The following UNC5C variants were observed in gnomAD, a reference collection of about 807,000 sequenced individuals.
UNC5C encodes the protein netrin receptor UNC5C.
UNC5C carries 47 observed loss-of-function variants against 99.8 expected under a neutral mutation model. The ratio of observed to expected loss-of-function variants is 0.47; its 90% confidence interval spans 0.37 to 0.60. The LOEUF is 0.60. UNC5C is among the 20% of genes least tolerant of loss of function. The pLI, the probability that UNC5C is intolerant of heterozygous loss-of-function variation, is 0.00. For synonymous variants in UNC5C, 487 were observed against 452.2 expected, an observed-to-expected ratio of 1.08 and a Z score of -0.98; for missense variants, 1,062 against 1,165.9, an observed-to-expected ratio of 0.91 and a Z score of 1.30.
intron 1 of UNC5C, among the ~76,000 whole-genome samples, chr4:95,410,322 C>T (rs903302986): frequency 3.9e-5 from 6 of 152,088 alleles, no homozygotes; most frequent in Non-Finnish European, 5.9e-5. Context: ...CCTACTAGGT[C>T]CCAGTCTCAT....
At chr4:95,538,723 G>A (rs1014064691) in intron 1 of UNC5C, among the ~76,000 whole-genome samples, 1 of 152,070 alleles carries the variant, frequency 6.6e-6, no homozygotes, top group African/African-American at 2.4e-5. Context: ...GGGAATGTAT[G>A]ACAATAATAA....
chr4:95,348,713 T>C (rs1743871726), intron 1 of UNC5C, among the ~76,000 whole-genome samples: 1 of 151,226 alleles, frequency 6.6e-6, no homozygotes, highest in African/African-American at 2.4e-5. Flanking sequence ...TCAACACCAT[T>C]GATCATTACA....
At chr4:95,341,563 G>A (rs1256176410) in intron 1 of UNC5C, among the ~76,000 whole-genome samples, 4 of 151,768 alleles carry the variant, frequency 2.6e-5, no homozygotes, top group African/African-American at 9.7e-5. Flanking sequence ...AAGAAAGGAG[G>A]GAGGGAGAGA....
intron 1 of UNC5C, among the ~76,000 whole-genome samples, chr4:95,409,324 T>C (rs1408851142): frequency 6.6e-6 from 1 of 152,194 alleles, no homozygotes; most frequent in East Asian, 1.9e-4. Context: ...GTCTAATCTT[T>C]GCACTCTCAT....
At chr4:95,321,608 T>A (rs890610792) in intron 2 of UNC5C, among the ~76,000 whole-genome samples, 9 of 152,168 alleles carry the variant, frequency 5.9e-5, no homozygotes, top group Non-Finnish European at 1.0e-4. Context: ...TGAACACTAA[T>A]AAATGAAAAA....
At chr4:95,497,160 A>G (rs1721652424) in intron 1 of UNC5C, among the ~76,000 whole-genome samples, 1 of 151,842 alleles carries the variant, frequency 6.6e-6, no homozygotes, top group Non-Finnish European at 1.5e-5. Flanking sequence ...GTGTCTATAT[A>G]ATGACTTATT....
At chr4:95,211,428 T>C (rs1738071086) in intron 10 of UNC5C, among the ~76,000 whole-genome samples, 1 of 152,226 alleles carries the variant, frequency 6.6e-6, no homozygotes, top group Non-Finnish European at 1.5e-5. Flanking sequence ...CTGATAAGCA[T>C]TATGCTTATC....
intron 1 of UNC5C, among the ~76,000 whole-genome samples, chr4:95,448,521 G>A (rs1747187375): frequency 6.6e-6 from 1 of 152,118 alleles, no homozygotes; most frequent in Non-Finnish European, 1.5e-5. Flanking sequence ...GGCACATAAT[G>A]GATCGAGTTA....
chr4:95,228,103 C>T (rs1005671008), intron 7 of UNC5C, among the ~76,000 whole-genome samples: 1 of 152,180 alleles, frequency 6.6e-6, no homozygotes, highest in Non-Finnish European at 1.5e-5. Context: ...CCTAAGTACA[C>T]AGCCAAGACC....
At chr4:95,460,475 A>G (rs1208023354) in intron 1 of UNC5C, among the ~76,000 whole-genome samples, 2 of 152,244 alleles carry the variant, frequency 1.3e-5, no homozygotes, top group East Asian at 3.9e-4. Context: ...AGATAACTGA[A>G]TACTGGGGGC....
chr4:95,504,505 G>C (rs1490345060), intron 1 of UNC5C, among the ~76,000 whole-genome samples: 1 of 152,036 alleles, frequency 6.6e-6, no homozygotes, highest in Non-Finnish European at 1.5e-5. Flanking sequence ...TAGCACTCTT[G>C]AAAAAGCTAG....
At chr4:95,250,452 C>T (rs576375674) in intron 5 of UNC5C, 35 bp downstream of exon 5, 1 of 1,588,064 alleles carries the variant, frequency 6.3e-7, no homozygotes, top group Non-Finnish European at 8.6e-7. Flanking sequence ...TGCAGTTAAA[C>T]ATGAACTAGA....
intron 1 of UNC5C, among the ~76,000 whole-genome samples, chr4:95,469,546 T>C (rs1356208293): frequency 6.6e-6 from 1 of 151,262 alleles, no homozygotes; most frequent in East Asian, 1.9e-4. Context: ...CCTGCTAGCA[T>C]AACTGCAGTG....
At chr4:95,400,280 A>C (rs958926120) in intron 1 of UNC5C, among the ~76,000 whole-genome samples, 7 of 150,730 alleles carry the variant, frequency 4.6e-5, no homozygotes, top group African/African-American at 1.5e-4. Flanking sequence ...CTATATTCTG[A>C]GAGAGGAGAA....
At chr4:95,301,194 G>C (rs1353384113) in intron 3 of UNC5C, among the ~76,000 whole-genome samples, 4 of 109,418 alleles carry the variant, frequency 3.7e-5, no homozygotes, top group Non-Finnish European at 7.7e-5. Flanking sequence ...TTTTTTCCAG[G>C]ATTTTTTTTT....
In UNC5C at chr4:95,316,171, T is replaced by C. The variant is rs564215229; in HGVS notation, c.347-14422A>G. Among the ~76,000 whole-genome samples the C allele has an allele frequency of 2.6e-5, 4 of 152,172 alleles. No individual in the cohort carries two copies. The South Asian group carries it at 8.3e-4, about 32-fold the overall frequency. On this transcript the variant is annotated intron_variant, in intron 2 of 15. Transcript: ENST00000453304. ...GGAAGATAGCATGACCTACTATATA[T>C]GTACATGGAAAAAAGGGAAATAATT...
chr4:95,502,685 T>C (rs1238442201), intron 1 of UNC5C, among the ~76,000 whole-genome samples: 1 of 152,178 alleles, frequency 6.6e-6, no homozygotes, highest in African/African-American at 2.4e-5. Flanking sequence ...AAGCACTCAG[T>C]ACATGTCAGT....
chr4:95,244,544 A>G (rs1739433613), intron 6 of UNC5C, among the ~76,000 whole-genome samples: 1 of 152,230 alleles, frequency 6.6e-6, no homozygotes, highest in Admixed American at 6.5e-5. Flanking sequence ...GCCCTTCACC[A>G]GAAACTGACA....
At chr4:95,236,847 A>G (rs1352473915) in intron 7 of UNC5C, among the ~76,000 whole-genome samples, 1 of 152,152 alleles carries the variant, frequency 6.6e-6, no homozygotes, top group East Asian at 1.9e-4. Flanking sequence ...TCATCCTAAT[A>G]TTAGACTTTT....
Sources: allele counts gnomAD v4.1 joint callset (sites outside exome capture counted in the v4.1 genomes callset), GRCh38; gene constraint gnomAD v4.1.1; transcripts MANE v1.5; gene names NCBI Gene and HGNC (gene_info 2026-07-23, HGNC 2026-07-21).